Variants in MYO3A observed in about 807,000 individuals in gnomAD.
MYO3A encodes myosin-IIIa.
Under a neutral mutation model 192.7 loss-of-function variants are expected in MYO3A, and 180 were observed. The ratio of observed to expected loss-of-function variants is 0.93; its 90% CI spans 0.83 to 1.06. MYO3A has a LOEUF of 1.06. MYO3A is among the 50% of genes least tolerant of loss of function. The pLI is 0.00. For synonymous variants in MYO3A, 628 were observed against 645.3 expected (o/e 0.97, Z 0.41); for missense variants, 1,896 against 1,905.0 (o/e 1.00, Z 0.09).
At chr10:26,162,796 G>T (rs545293926) in intron 26 of MYO3A, among the ~76,000 whole-genome samples, 2 of 152,300 alleles carry the variant, frequency 1.3e-5, no homozygotes, top group African/African-American at 4.8e-5. Context: ...CACACACACG[G>T]GCGCACTAGT....
intron 27 of MYO3A, among the ~76,000 whole-genome samples, chr10:26,166,505 C>T (rs988729247): frequency 2.4e-4 from 37 of 152,088 alleles, no homozygotes; most frequent in African/African-American, 8.9e-4. Context: ...CACACCACTG[C>T]ACTCCAGCCT....
chr10:26,152,227 C>G (rs1016433097), intron 23 of MYO3A, among the ~76,000 whole-genome samples: 1 of 152,202 alleles, frequency 6.6e-6, no homozygotes, highest in Admixed American at 6.5e-5. Flanking sequence ...ATTTTATATT[C>G]ACCCAGATGT....
At chr10:26,200,574 ATAT>A (rs1482395423) in intron 32 of MYO3A, among the ~76,000 whole-genome samples, 2 of 152,250 alleles carry the variant, frequency 1.3e-5, no homozygotes, top group African/African-American at 4.8e-5. Flanking sequence ...ACTGGTTTGT[ATAT>A]AAGGTGAAAC....
rs370111724 is a variant in MYO3A, at chr10:25,955,021, G to C, written c.303+13G>C. On this transcript the variant is annotated intron_variant, in intron 4 of 34. Transcript: ENST00000642920. ...GTTGGTTCTTGAGGTAAGTGTGTCA[G>C]CATCATTTGTATGGGTGGAAACTTA... is the stretch of plus-strand genomic sequence containing the variant. 53 of 1,612,068 alleles carry C rather than the reference G, an allele frequency of 3.3e-5. No individual in the cohort carries two copies. In the African/African-American group the frequency reaches 6.8e-4, roughly 21 times the overall value.
chr10:26,093,757 T>TA (rs1300530627), intron 15 of MYO3A, among the ~76,000 whole-genome samples: 2 of 152,182 alleles, frequency 1.3e-5, no homozygotes, highest in Non-Finnish European at 2.9e-5. Flanking sequence ...CCCAAAGACA[T>TA]ACCTCTCCCC....
In MYO3A at chr10:26,044,861, G is replaced by A. The variant is rs773194259; in HGVS notation, c.953+18329G>A. On this transcript the variant is annotated intron_variant, in intron 10 of 34. Transcript: ENST00000642920. ...CAGCTGTGCTTTTCCATGTCAATTAGCACATAACATATAGAATATAACACA... is the reference window on the plus strand; with the variant it reads ...CAGCTGTGCTTTTCCATGTCAATTAACACATAACATATAGAATATAACACA... Among the ~76,000 whole-genome samples, 9 of 152,290 alleles carry A rather than the reference G, an allele frequency of 5.9e-5. No homozygotes were observed. The East Asian group carries it at 7.7e-4, about 13-fold the overall frequency.
intron 16 of MYO3A, 42 bp downstream of exon 16, chr10:26,096,521 T>G (rs768945784): frequency 4.4e-6 from 7 of 1,601,236 alleles, no homozygotes; most frequent in Non-Finnish European, 8.6e-7. Flanking sequence ...TACTTTCACT[T>G]TTCCCTTAAT....
intron 17 of MYO3A, among the ~76,000 whole-genome samples, chr10:26,107,061 C>G (rs1050743841): frequency 6.6e-6 from 1 of 151,924 alleles, no homozygotes; most frequent in Non-Finnish European, 1.5e-5. Flanking sequence ...GACACACATA[C>G]ATGAGTCTTA....
intron 20 of MYO3A, among the ~76,000 whole-genome samples, chr10:26,131,741 G>A (rs1187043880): frequency 1.3e-5 from 2 of 152,068 alleles, no homozygotes; most frequent in South Asian, 2.1e-4. Context: ...ACAGTTTCCC[G>A]GCACTGGGAG....
intron 17 of MYO3A, among the ~76,000 whole-genome samples, chr10:26,113,547 G>A (rs553792068): frequency 4.6e-5 from 7 of 151,320 alleles, no homozygotes; most frequent in Non-Finnish European, 1.0e-4. Context: ...TTGGTTTGTT[G>A]TTTGTAATAA....
chr10:26,062,515 C>CAAAA (rs573334201), intron 10 of MYO3A, among the ~76,000 whole-genome samples: 2 of 42,212 alleles, frequency 4.7e-5, no homozygotes, highest in Non-Finnish European at 6.2e-5. Context: ...GATGCCATCT[C>CAAAA]AAAAAAAAAA....
intron 32 of MYO3A, among the ~76,000 whole-genome samples, chr10:26,194,338 G>A (rs1843301220): frequency 6.6e-6 from 1 of 152,078 alleles, no homozygotes; most frequent in South Asian, 2.1e-4. Flanking sequence ...TGGGACCCGT[G>A]ACTGCTTTTC....
chr10:26,173,193 T>A (rs1473486056), intron 29 of MYO3A, among the ~76,000 whole-genome samples: 1 of 152,194 alleles, frequency 6.6e-6, no homozygotes, highest in Non-Finnish European at 1.5e-5. Flanking sequence ...GGACATTGCT[T>A]TTCCTTTAAT....
intron 4 of MYO3A, among the ~76,000 whole-genome samples, chr10:25,990,818 A>G (rs1005453840): frequency 2.4e-4 from 36 of 147,924 alleles, no homozygotes; most frequent in African/African-American, 8.6e-4. Flanking sequence ...ATCTTCATCC[A>G]TGTCCCTACA....
chr10:25,952,517 C>T (rs895681730), intron 3 of MYO3A, among the ~76,000 whole-genome samples: 30 of 152,064 alleles, frequency 2.0e-4, no homozygotes, highest in African/African-American at 6.8e-4. Context: ...AAATGCAGCT[C>T]TCAACCGACG....
In MYO3A at chr10:26,183,061, G is replaced by A. The variant is rs116647770; in HGVS notation, c.4438+6216G>A. On this transcript the variant is annotated intron_variant, in intron 31 of 34. Transcript: ENST00000642920. Reference sequence around the variant, plus strand: ...ACAGCCCAAGGAAAATGACAGAAGTGGAGTGCCAAGATGTAGCGATAATGT... The same window carrying A: ...ACAGCCCAAGGAAAATGACAGAAGTAGAGTGCCAAGATGTAGCGATAATGT... Among the ~76,000 whole-genome samples the A allele has an allele frequency of 8.3e-3, 1,259 of 152,288 alleles. 19 individuals are homozygous for A. The highest frequency in any genetic ancestry group is 0.029 in the African/African-American group (1,186 of 41,564).
At chr10:26,101,613 A>G (rs1837459383) in intron 17 of MYO3A, among the ~76,000 whole-genome samples, 1 of 152,106 alleles carries the variant, frequency 6.6e-6, no homozygotes, top group Non-Finnish European at 1.5e-5. Flanking sequence ...ATCTCTCAGC[A>G]TTTGCTTGTC....
chr10:26,185,397 T>C (rs945295683), intron 31 of MYO3A, among the ~76,000 whole-genome samples: 2 of 134,266 alleles, frequency 1.5e-5, no homozygotes, highest in Admixed American at 8.8e-5. Context: ...GGGAGTGCAG[T>C]GGCACAATCT....
At chr10:25,961,505 T>G (rs998631879) in intron 4 of MYO3A, among the ~76,000 whole-genome samples, 1 of 152,038 alleles carries the variant, frequency 6.6e-6, no homozygotes, top group Non-Finnish European at 1.5e-5. Context: ...TTTATTTGAA[T>G]TTTGTCCTTA....
Sources: allele counts gnomAD v4.1 joint callset (sites outside exome capture counted in the v4.1 genomes callset), GRCh38; gene constraint gnomAD v4.1.1; transcripts MANE v1.5; gene names NCBI Gene and HGNC (gene_info 2026-07-23, HGNC 2026-07-21).